Variants in PDE7B observed in about 807,000 individuals in gnomAD.
PDE7B encodes 3',5'-cyclic-AMP phosphodiesterase 7B.
Under a neutral mutation model 56.2 loss-of-function variants are expected in PDE7B, and 29 were observed. The observed-to-expected ratio is 0.52, with a 90% CI of 0.38 to 0.70. The LOEUF (loss-of-function observed/expected upper bound fraction) is 0.70. Ranked by LOEUF, PDE7B falls within the 30% of genes least tolerant of loss-of-function variation. The pLI is 0.00. For synonymous variants in PDE7B, 197 were observed against 196.9 expected (o/e 1.00, Z 0.00); for missense variants, 490 against 565.0 (o/e 0.87, Z 1.35).
chr6:135,858,650 C>T (rs750072241), intron 1 of PDE7B, among the ~76,000 whole-genome samples: 1 of 152,100 alleles, frequency 6.6e-6, no homozygotes, highest in African/African-American at 2.4e-5. Context: ...CCAGCTTTCT[C>T]ATGTATAAAA....
intron 1 of PDE7B, among the ~76,000 whole-genome samples, chr6:135,878,130 G>A (rs1775535315): frequency 6.6e-6 from 1 of 152,196 alleles, no homozygotes; most frequent in Admixed American, 6.5e-5. Context: ...TTCATCATCT[G>A]CCGCAATATC....
At chr6:135,913,946 T>C (rs1317587468) in intron 1 of PDE7B, among the ~76,000 whole-genome samples, 2 of 152,196 alleles carry the variant, frequency 1.3e-5, no homozygotes, top group Non-Finnish European at 2.9e-5. Flanking sequence ...AACCCACACA[T>C]CACTGACATA....
intron 1 of PDE7B, among the ~76,000 whole-genome samples, chr6:135,890,524 T>A (rs1775791917): frequency 1.3e-5 from 2 of 152,198 alleles, no homozygotes. Context: ...GCAGCTTGAC[T>A]GTGATGGTAA....
chr6:135,867,449 G>A (rs192084266), intron 1 of PDE7B, among the ~76,000 whole-genome samples: 1 of 152,118 alleles, frequency 6.6e-6, no homozygotes, highest in Non-Finnish European at 1.5e-5. Context: ...AAGGTCAGGG[G>A]TACATGTGCA....
intron 2 of PDE7B, among the ~76,000 whole-genome samples, chr6:135,998,580 C>T (rs1163254231): frequency 6.6e-6 from 1 of 151,864 alleles, no homozygotes; most frequent in African/African-American, 2.4e-5. Flanking sequence ...CACGGTGAAA[C>T]CCTGTCTCTA....
chr6:136,190,730 G>A (rs1312960780), intron 12 of PDE7B, among the ~76,000 whole-genome samples: 2 of 152,166 alleles, frequency 1.3e-5, no homozygotes, highest in Admixed American at 1.3e-4. Context: ...TAAGAGAACA[G>A]ACATGCAAAC....
chr6:135,927,504 CT>C (rs1774213051), intron 1 of PDE7B, among the ~76,000 whole-genome samples: 1 of 152,082 alleles, frequency 6.6e-6, no homozygotes, highest in African/African-American at 2.4e-5. Context: ...GATATTGATT[CT>C]TCCTGTCCGT....
chr6:136,117,122 G>A (rs1777845990), intron 3 of PDE7B: 1 of 152,146 alleles, frequency 6.6e-6, no homozygotes, highest in African/African-American at 2.4e-5. Flanking sequence ...TTCCTTGAGC[G>A]AAACTCTAAC....
chr6:135,935,099 TTCTC>T lies in PDE7B; in HGVS notation c.22-12363_22-12360del, dbSNP rs1284107565. Among the ~76,000 whole-genome samples, 14 of 87,948 alleles carry T rather than the reference TTCTC, an allele frequency of 1.6e-4. 1 individual carries two copies. The highest frequency in any genetic ancestry group is 1.6e-4 in the Admixed American group (1 of 6,124). 57.7% of individuals were successfully genotyped at this position (87,948 alleles called of 152,430 possible). A position where few individuals can be genotyped will look rare whatever the true frequency, so the allele number is the denominator to read the frequency against. ...ATATAAATAAATATATAATATATAT[TTCTC>T]TATATATTTTATATAGAGAGAGATG... On this transcript the variant is annotated intron_variant, in intron 1 of 12. Transcript: ENST00000308191.
chr6:135,901,723 C>A (rs747463427), intron 1 of PDE7B, among the ~76,000 whole-genome samples: 2 of 152,098 alleles, frequency 1.3e-5, no homozygotes, highest in Admixed American at 1.3e-4. Flanking sequence ...TCAATTCCAG[C>A]GCACTATGCT....
At position 135,940,788 on chromosome 6, in the gene PDE7B, T is replaced by C. The variant is rs139439037; in HGVS notation, c.22-6676T>C. Among the ~76,000 whole-genome samples the C allele has an allele frequency of 4.7e-3, 721 of 152,296 alleles. 7 individuals are homozygous for C. Among genetic ancestry groups the C allele is most frequent in the African/African-American group, 0.017 (697 of 41,578 alleles). On this transcript the variant is annotated intron_variant, in intron 1 of 12. Coordinates refer to ENST00000308191, the MANE Select transcript of PDE7B (RefSeq NM_018945.4). Reference sequence around the variant, plus strand: ...ATCTATGGCAGTGCTTACTGGTGTATATGCAGAAATGTCCTGGAAAAATAA... The same window carrying C: ...ATCTATGGCAGTGCTTACTGGTGTACATGCAGAAATGTCCTGGAAAAATAA...
chr6:135,910,746 C>T (rs1776197537), intron 1 of PDE7B, among the ~76,000 whole-genome samples: 1 of 152,136 alleles, frequency 6.6e-6, no homozygotes, highest in South Asian at 2.1e-4. Flanking sequence ...TCATCCCTCC[C>T]ACAACCCCGG....
At chr6:136,062,813 A>C (rs1420028260) in intron 2 of PDE7B, among the ~76,000 whole-genome samples, 1 of 152,158 alleles carries the variant, frequency 6.6e-6, no homozygotes, top group East Asian at 1.9e-4. Flanking sequence ...CCAAGGCCCC[A>C]GATTGAACTG....
chr6:136,090,038 C>G (rs552271327), intron 2 of PDE7B, among the ~76,000 whole-genome samples: 1 of 152,168 alleles, frequency 6.6e-6, no homozygotes, highest in African/African-American at 2.4e-5. Flanking sequence ...TCTGAGATAC[C>G]GAAAGACACC....
chr6:136,092,355 T>TC (rs1264080795), intron 2 of PDE7B, among the ~76,000 whole-genome samples: 1 of 152,226 alleles, frequency 6.6e-6, no homozygotes, highest in Non-Finnish European at 1.5e-5. Context: ...AAAACTCCTG[T>TC]CAATAATCTA....
At chr6:136,066,988 T>C (rs561013523) in intron 2 of PDE7B, among the ~76,000 whole-genome samples, 9 of 152,036 alleles carry the variant, frequency 5.9e-5, no homozygotes, top group African/African-American at 2.2e-4. Context: ...CCCAAGTAGA[T>C]GGAACCACAG....
intron 2 of PDE7B, among the ~76,000 whole-genome samples, chr6:136,104,611 T>TA (rs1462068415): frequency 1.3e-5 from 2 of 152,222 alleles, no homozygotes; most frequent in Non-Finnish European, 2.9e-5. Context: ...ACTTTCTATA[T>TA]TAGAAATATA....
At chr6:135,984,890 C>T (rs1775351140) in intron 2 of PDE7B, among the ~76,000 whole-genome samples, 2 of 151,922 alleles carry the variant, frequency 1.3e-5, no homozygotes, top group African/African-American at 4.8e-5. Flanking sequence ...CTTTTCTGAT[C>T]CCACCTGCCC....
intron 2 of PDE7B, among the ~76,000 whole-genome samples, chr6:136,052,356 G>A (rs575499362): frequency 2.0e-5 from 3 of 152,318 alleles, no homozygotes; most frequent in East Asian, 1.9e-4. Context: ...CTGGCTTCGG[G>A]TATGTGGAGC....
Sources: gnomAD v4.1 joint callset for allele counts (sites outside exome capture counted in the v4.1 genomes callset) on GRCh38, gnomAD v4.1.1 for gene constraint, MANE v1.5 for transcripts, NCBI Gene and HGNC (gene_info 2026-07-23, HGNC 2026-07-21) for gene names.